The following RETREG1 variants were observed in gnomAD, a reference collection of about 807,000 sequenced individuals.
RETREG1 encodes reticulophagy regulator 1.
In RETREG1, 44 loss-of-function variants were observed where a neutral mutation model predicts 54.8. That is an observed-to-expected ratio of 0.80 (90% CI 0.63 to 1.03). RETREG1 has a LOEUF of 1.03. Among genes scored for constraint, RETREG1 ranks in the 50% least tolerant of loss-of-function variants. The pLI is 0.00. For synonymous variants in RETREG1, 217 were observed against 238.5 expected (o/e 0.91, Z 0.83); for missense variants, 554 against 605.1 (o/e 0.92, Z 0.89).
chr5:16,557,152 T>C (rs1431313118), intron 3 of RETREG1, among the ~76,000 whole-genome samples: 1 of 152,164 alleles, frequency 6.6e-6, no homozygotes, highest in Non-Finnish European at 1.5e-5. Context: ...TCTCAAGAAA[T>C]ATATCCGTTG....
intron 3 of RETREG1, among the ~76,000 whole-genome samples, chr5:16,564,692 A>G (rs1741960304): frequency 1.3e-5 from 2 of 152,168 alleles, no homozygotes; most frequent in Non-Finnish European, 2.9e-5. Flanking sequence ...GAGAAGCACC[A>G]GGGATCACGT....
At chr5:16,609,090 C>T (rs1392302584) in intron 1 of RETREG1, among the ~76,000 whole-genome samples, 1 of 152,230 alleles carries the variant, frequency 6.6e-6, no homozygotes, top group East Asian at 1.9e-4. Context: ...CCGAGTCCCA[C>T]TAGCCACACT....
chr5:16,558,205 A>G (rs1741763689), intron 3 of RETREG1, among the ~76,000 whole-genome samples: 1 of 152,166 alleles, frequency 6.6e-6, no homozygotes, highest in Admixed American at 6.5e-5. Flanking sequence ...GGCTGCAGTG[A>G]ACTACGATTG....
intron 1 of RETREG1, among the ~76,000 whole-genome samples, chr5:16,601,675 C>T (rs142052876): frequency 2.4e-4 from 37 of 152,186 alleles, no homozygotes; most frequent in African/African-American, 7.7e-4. Context: ...CGATTATAGG[C>T]GTGAGCCACC....
intron 1 of RETREG1, among the ~76,000 whole-genome samples, chr5:16,577,816 G>T (rs1273216745): frequency 6.6e-6 from 1 of 152,060 alleles, no homozygotes; most frequent in Non-Finnish European, 1.5e-5. Flanking sequence ...TTTTGTCAGG[G>T]GAAACCCCTT....
intron 3 of RETREG1, among the ~76,000 whole-genome samples, chr5:16,513,404 G>A (rs1488988559): frequency 2.0e-5 from 3 of 152,178 alleles, no homozygotes; most frequent in Non-Finnish European, 2.9e-5. Context: ...CTTTAGAGCC[G>A]CAACAGCTAC....
Position 16,567,656 on chromosome 5 carries a change from G to T in RETREG1, c.428-1863C>A, listed in dbSNP as rs533365520. Among the ~76,000 whole-genome samples, 888 of 152,220 alleles carry T rather than the reference G, an allele frequency of 5.8e-3. 6 individuals are homozygous for T. Among genetic ancestry groups the T allele is most frequent in the African/African-American group, 0.02 (850 of 41,512 alleles). The stretch of plus-strand genomic sequence containing the variant: ...ACAGCACAGGGCAGTAGCTAGAGAA[G>T]ATCTTCAAGAGAGCTGGGGGGCAGG... On this transcript the variant is annotated intron_variant, in intron 2 of 8. Coordinates refer to ENST00000306320, the MANE Select transcript of RETREG1 (RefSeq NM_001034850.3).
chr5:16,527,964 C>T (rs1041438952), intron 3 of RETREG1, among the ~76,000 whole-genome samples: 16 of 151,922 alleles, frequency 1.1e-4, no homozygotes, highest in Non-Finnish European at 1.8e-4. Flanking sequence ...CACCCGCCAC[C>T]ACACCCAGCT....
chr5:16,606,157 T>C (rs904488026), intron 1 of RETREG1, among the ~76,000 whole-genome samples: 8 of 152,220 alleles, frequency 5.3e-5, no homozygotes, highest in South Asian at 2.1e-4. Context: ...TCGGGTGTGA[T>C]TGGAGACCAC....
At position 16,474,719 on chromosome 5, in the gene RETREG1, C is replaced by A. The variant is rs1475705271; in HGVS notation, c.*22G>T. 7.0e-7 allele frequency: 1 copy of A among 1,430,850 alleles called. No individual in the cohort carries two copies. The highest frequency in any genetic ancestry group is 9.2e-7 in the Non-Finnish European group (1 of 1,084,620). The allele number at this position is 1,430,850 out of a possible 1,614,324, so 88.6% of individuals were successfully genotyped here. A position where few individuals can be genotyped will look rare whatever the true frequency, so the allele number is the denominator to read the frequency against. Reference sequence around the variant, plus strand: ...AAATTTTTTTGGTGTTTTTTGTGCTCTGTTGCAAGCTGATTCCTAGATTAA... The same window carrying A: ...AAATTTTTTTGGTGTTTTTTGTGCTATGTTGCAAGCTGATTCCTAGATTAA... On this transcript the variant is annotated 3_prime_UTR_variant, in exon 9 of 9. Coordinates refer to ENST00000306320, the MANE Select transcript of RETREG1 (RefSeq NM_001034850.3).
At chr5:16,608,305 C>T (rs1743250983) in intron 1 of RETREG1, among the ~76,000 whole-genome samples, 1 of 152,082 alleles carries the variant, frequency 6.6e-6, no homozygotes, top group Admixed American at 6.6e-5. Context: ...TCCGGCAACC[C>T]AAGATTAATT....
At position 16,515,661 on chromosome 5, in the gene RETREG1, G is replaced by A. The variant is rs147999834; in HGVS notation, c.459-32189C>T. Among the ~76,000 whole-genome samples the A allele has an allele frequency of 4.6e-5, 7 of 152,256 alleles. No individual in the cohort carries two copies. In the East Asian group the frequency reaches 1.4e-3, roughly 29 times the overall value. ...TGAGCCACTAGAATAATGTCACCAAGTCAACGCAGCAAAGTACATCCATTT... is the reference window on the plus strand; with the variant it reads ...TGAGCCACTAGAATAATGTCACCAAATCAACGCAGCAAAGTACATCCATTT... On this transcript the variant is annotated intron_variant, in intron 3 of 8. Transcript: ENST00000306320.
intron 1 of RETREG1, among the ~76,000 whole-genome samples, chr5:16,581,963 C>T (rs1742495991): frequency 6.6e-6 from 1 of 152,300 alleles, no homozygotes; most frequent in African/African-American, 2.4e-5. Flanking sequence ...TTAAGTCCAG[C>T]ATGCATTAGC....
At chr5:16,507,946 G>C (rs912750548) in intron 3 of RETREG1, among the ~76,000 whole-genome samples, 1 of 152,190 alleles carries the variant, frequency 6.6e-6, no homozygotes, top group Non-Finnish European at 1.5e-5. Context: ...CTAAAATGCA[G>C]ACTTTCACTC....
chr5:16,510,052 CTGT>C (rs200298584), intron 3 of RETREG1, among the ~76,000 whole-genome samples: 2,453 of 152,198 alleles, frequency 0.016, 60 homozygotes, highest in African/African-American at 0.056. Context: ...TCTGTGTATT[CTGT>C]TGTTATGTTA....
At chr5:16,608,850 C>CA (rs1485625204) in intron 1 of RETREG1, among the ~76,000 whole-genome samples, 1 of 152,162 alleles carries the variant, frequency 6.6e-6, no homozygotes, top group Admixed American at 6.5e-5. Context: ...ATAATTTTTT[C>CA]ACTCTGTGCT....
At chr5:16,609,428 G>A (rs1027510705) in intron 1 of RETREG1, among the ~76,000 whole-genome samples, 3 of 152,132 alleles carry the variant, frequency 2.0e-5, no homozygotes, top group Non-Finnish European at 2.9e-5. Context: ...AGCACTAAAT[G>A]ATATATATTT....
At chr5:16,548,116 C>A (rs1409528458) in intron 3 of RETREG1, among the ~76,000 whole-genome samples, 1 of 152,034 alleles carries the variant, frequency 6.6e-6, no homozygotes, top group Admixed American at 6.6e-5. Flanking sequence ...TAAAGAATTC[C>A]TACCTAATAA....
chr5:16,498,264 C>T (rs955107570), intron 3 of RETREG1, among the ~76,000 whole-genome samples: 12 of 152,222 alleles, frequency 7.9e-5, no homozygotes, highest in Admixed American at 4.6e-4. Flanking sequence ...TAGTCTACTA[C>T]GTACCGAGGC....
Sources: gnomAD v4.1 joint callset for allele counts (sites outside exome capture counted in the v4.1 genomes callset) on GRCh38, gnomAD v4.1.1 for gene constraint, MANE v1.5 for transcripts, NCBI Gene and HGNC (gene_info 2026-07-23, HGNC 2026-07-21) for gene names.